The following ATF3 variants were observed in gnomAD, a reference collection of about 807,000 sequenced individuals.
The protein encoded by ATF3 is cyclic AMP-dependent transcription factor ATF-3.
ATF3 carries 10 observed loss-of-function variants against 18.4 expected under a neutral mutation model. That is an observed-to-expected ratio of 0.54 (90% CI 0.34 to 0.92). The LOEUF (loss-of-function observed/expected upper bound fraction) is 0.92, where lower values mean the gene tolerates loss of function less well. Ranked by LOEUF, ATF3 falls within the 40% of genes least tolerant of loss-of-function variation. The pLI, the probability that ATF3 is intolerant of heterozygous loss-of-function variation, is 0.02. For synonymous variants in ATF3, 78 were observed against 87.9 expected (o/e 0.89, Z 0.63); for missense variants, 183 against 222.3 (o/e 0.82, Z 1.12).
rs1266425780 is a variant in ATF3 at position 212,593,768 on chromosome 1, A to G, written c.-4-21250A>G. On this transcript the variant is annotated intron_variant, in intron 1 of 3. Transcript: ENST00000366981. ...TAAAAAAAAAAAAAAAAAAAAAAAA[A>G]GTGTTCTTAAGACTTTGTAAATGAT... is the stretch of plus-strand genomic sequence containing the variant. Among the ~76,000 whole-genome samples the G allele has an allele frequency of 2.4e-5, 3 of 127,468 alleles. No individual in the cohort carries two copies. The South Asian group carries it at 7.7e-4, about 33-fold the overall frequency. 83.6% of individuals were successfully genotyped at this position (127,468 alleles called of 152,430 possible).
At chr1:212,597,905 A>G (rs1375530487) in intron 1 of ATF3, among the ~76,000 whole-genome samples, 1 of 152,190 alleles carries the variant, frequency 6.6e-6, no homozygotes, top group Non-Finnish European at 1.5e-5. Context: ...CCTGGATTCC[A>G]TCTCAGCCCC....
chr1:212,606,810 C>T (rs544354251), upstream of ATF3, among the ~76,000 whole-genome samples: 1 of 152,340 alleles, frequency 6.6e-6, no homozygotes, highest in South Asian at 2.1e-4. Flanking sequence ...CACCTAATCC[C>T]GCCCGGTGTC....
intron 1 of ATF3, among the ~76,000 whole-genome samples, chr1:212,575,839 T>A (rs1293398842): frequency 6.6e-6 from 1 of 152,186 alleles, no homozygotes; most frequent in African/African-American, 2.4e-5. Context: ...TTTTCAAATC[T>A]TGAATTATTC....
chr1:212,597,624 T>A (rs1359267589), intron 1 of ATF3, among the ~76,000 whole-genome samples: 1 of 152,160 alleles, frequency 6.6e-6, no homozygotes, highest in Non-Finnish European at 1.5e-5. Context: ...CTGGAGCCCT[T>A]CCCTTAGCAC....
At chr1:212,571,956 C>T (rs545724471) in intron 1 of ATF3, among the ~76,000 whole-genome samples, 36 of 151,142 alleles carry the variant, frequency 2.4e-4, no homozygotes, top group Admixed American at 6.6e-4. Flanking sequence ...TCGTGATCCG[C>T]CCGGCTCGGC....
intron 1 of ATF3, among the ~76,000 whole-genome samples, chr1:212,582,237 A>C (rs1354109548): frequency 6.6e-6 from 1 of 152,206 alleles, no homozygotes; most frequent in Non-Finnish European, 1.5e-5. Flanking sequence ...TTATCTGGCA[A>C]CCCTTCCCAC....
intron 1 of ATF3, among the ~76,000 whole-genome samples, chr1:212,596,066 C>G (rs1488879320): frequency 6.6e-6 from 1 of 152,052 alleles, no homozygotes; most frequent in East Asian, 1.9e-4. Context: ...GGGTGTGGCC[C>G]CAGTGGAGTG....
At chr1:212,597,958 AG>A (rs1205516781) in intron 1 of ATF3, among the ~76,000 whole-genome samples, 1 of 152,194 alleles carries the variant, frequency 6.6e-6, no homozygotes, top group East Asian at 1.9e-4. Flanking sequence ...TACATAATTA[AG>A]CCAGGATTTG....
chr1:212,590,199 T>G (rs1664856297), intron 1 of ATF3, among the ~76,000 whole-genome samples: 1 of 152,086 alleles, frequency 6.6e-6, no homozygotes, highest in Non-Finnish European at 1.5e-5. Flanking sequence ...TTGGCATGTT[T>G]GTTAATTCTA....
At chr1:212,595,394 C>T (rs1664971897) in intron 1 of ATF3, among the ~76,000 whole-genome samples, 1 of 152,222 alleles carries the variant, frequency 6.6e-6, no homozygotes, top group Non-Finnish European at 1.5e-5. Flanking sequence ...AGCCCCCTGC[C>T]TTCAAGTCCA....
At chr1:212,614,424 G>A (rs140457356) in intron 1 of ATF3, among the ~76,000 whole-genome samples, 4 of 152,080 alleles carry the variant, frequency 2.6e-5, no homozygotes, top group African/African-American at 9.7e-5. Flanking sequence ...CCCATTGCTT[G>A]GGCCCAACTT....
At chr1:212,603,644 A>T (rs1654543615) in intron 1 of ATF3, among the ~76,000 whole-genome samples, 1 of 152,202 alleles carries the variant, frequency 6.6e-6, no homozygotes, top group Admixed American at 6.5e-5. Context: ...GATTAAGTAA[A>T]TCATAGAACA....
intron 1 of ATF3, among the ~76,000 whole-genome samples, chr1:212,590,626 G>A (rs910030258): frequency 4.3e-4 from 66 of 152,160 alleles, no homozygotes; most frequent in African/African-American, 1.5e-3. Context: ...TTTTTAAAAC[G>A]TAACAGGTGG....
At chr1:212,588,265 T>C (rs1181749682) in intron 1 of ATF3, among the ~76,000 whole-genome samples, 1 of 151,980 alleles carries the variant, frequency 6.6e-6, no homozygotes, top group African/African-American at 2.4e-5. Context: ...CGTTCTCCAC[T>C]CCCCACCCTG....
At chr1:212,604,968 C>T (rs1392964699), upstream of ATF3, among the ~76,000 whole-genome samples, 1 of 152,112 alleles carries the variant, frequency 6.6e-6, no homozygotes, top group Non-Finnish European at 1.5e-5. Flanking sequence ...CTCTCACTCC[C>T]GCCCCCTCTT....
chr1:212,618,367 C>A lies in ATF3; in HGVS notation c.348+133C>A. The A allele has an allele frequency of 1.1e-6, 1 of 883,432 alleles. No homozygotes were observed. The allele number at this position is 883,432 out of a possible 1,614,324, so 54.7% of individuals were successfully genotyped here. The stretch of plus-strand genomic sequence containing the variant: ...CCAAGAAGGGCCTTGTAGCTGGTAG[C>A]AGAAATGCCAGTTGCAGAATGAGGA... On this transcript the variant is annotated intron_variant, in intron 3 of 3. Transcript: ENST00000341491. This position sits in a 1 kb window ranked among gnomAD's most constrained non-coding sequence, Gnocchi z 4.4.
chr1:212,571,675 G>A (rs1328235735), intron 1 of ATF3, among the ~76,000 whole-genome samples: 1 of 150,102 alleles, frequency 6.7e-6, no homozygotes, highest in African/African-American at 2.5e-5. Flanking sequence ...CTCCCAAAGT[G>A]CTGGGATTAC....
chr1:212,614,957 G>C, intron 1 of ATF3, 61 bp from the exon 2 acceptor site: 3 of 1,613,644 alleles, frequency 1.9e-6, no homozygotes, highest in African/African-American at 2.7e-5. Context: ...GGTGGGGGAG[G>C]GGGACTTGAT....
chr1:212,574,388 TCA>T, intron 1 of ATF3, among the ~76,000 whole-genome samples: 1 of 152,166 alleles, frequency 6.6e-6, no homozygotes, highest in South Asian at 2.1e-4. Flanking sequence ...TGCACTGTGA[TCA>T]AATAATCAAG....
Sources: gnomAD v4.1 joint callset for allele counts (sites outside exome capture counted in the v4.1 genomes callset) on GRCh38, gnomAD v4.1.1 for gene constraint, Gnocchi (gnomAD v3.1) non-coding constraint, MANE v1.5 for transcripts, NCBI Gene and HGNC (gene_info 2026-07-23, HGNC 2026-07-21) for gene names.